INTS2: variants seen among roughly 807,000 people sequenced by gnomAD.
INTS2 encodes the protein KIAA1287.
Under a neutral mutation model 139.6 loss-of-function variants are expected in INTS2, and 57 were observed. The ratio of observed to expected loss-of-function variants is 0.41; its 90% CI spans 0.33 to 0.51. The LOEUF (loss-of-function observed/expected upper bound fraction) is 0.51, where lower values mean the gene tolerates loss of function less well. INTS2 is among the 20% of genes least tolerant of loss of function. INTS2 has a pLI of 0.28. For missense variants in INTS2, 1,196 were observed against 1,436.7 expected (o/e 0.83, Z 2.71); for synonymous variants, 473 against 493.4 (o/e 0.96, Z 0.55).
rs760291553 is a variant in INTS2 at position 61,921,812 on chromosome 17, C to T, written c.448G>A (p.Gly150Arg). 12 of 1,589,038 alleles carry T rather than the reference C, an allele frequency of 7.6e-6. No homozygotes were observed. The highest frequency in any genetic ancestry group is 2.2e-5 in the East Asian group (1 of 44,562). ...AIMNKVSESNGEFFFKSSELF... is the reference protein window; with the variant it reads ...AIMNKVSESNREFFFKSSELF... ...TCAGAAGACTTGAAAAAAAATTCTC[C>T]GTTGGACTCAGACACCTTAAAAAAG... The change falls in exon 4 of 25, where the codon GGA (glycine) becomes AGA (arginine). Residue 150 changes from glycine to arginine, a missense_variant. Physicochemically the swap from Gly to Arg is moderately radical, Grantham distance 125. This residue lies in a region of INTS2 where 1,129 missense variants were observed against 1,341.9 expected (regional missense o/e 0.84). Transcript: ENST00000251334.
rs1187583288 is a variant in INTS2, at chr17:61,920,486, CTT to C, written c.536-975_536-974del. Among the ~76,000 whole-genome samples, 473 of 106,470 alleles carry C rather than the reference CTT, an allele frequency of 4.4e-3. 5 individuals carry two copies. The highest frequency in any genetic ancestry group is 0.013 in the African/African-American group (419 of 31,354). 69.8% of individuals were successfully genotyped at this position (106,470 alleles called of 152,430 possible). ...CGTGAGCCACCGTGCCTGGCCTATA[CTT>C]TTTTTTTTTTTTTTTTTTTTTAAGA... On this transcript the variant is annotated intron_variant, in intron 4 of 24. Transcript: ENST00000251334.
intron 5 of INTS2, among the ~76,000 whole-genome samples, chr17:61,918,066 T>C (rs575708349): frequency 3.3e-5 from 5 of 152,332 alleles, no homozygotes; most frequent in African/African-American, 4.8e-5. Context: ...TCCACAATTA[T>C]GTCTGGAGAC....
chr17:61,921,702 C>T (rs780349595), intron 4 of INTS2, 23 bp downstream of exon 4: 9 of 1,166,930 alleles, frequency 7.7e-6, no homozygotes, highest in Middle Eastern at 2.0e-4. Flanking sequence ...ATATGAAATC[C>T]ATCTTAGCAC....
intron 8 of INTS2, among the ~76,000 whole-genome samples, chr17:61,905,799 G>GT (rs2079456842): frequency 2.0e-5 from 3 of 152,138 alleles, no homozygotes. Context: ...CTGGGTTCCA[G>GT]TGATTCTCCT....
intron 14 of INTS2, 50 bp downstream of exon 14, chr17:61,891,463 A>G (rs1010640640): frequency 2.9e-6 from 4 of 1,373,298 alleles, no homozygotes; most frequent in African/African-American, 1.5e-5. Flanking sequence ...TTAAGTAAGA[A>G]GAACTAAAAG....
In INTS2 at chr17:61,881,156, A is replaced by G. The variant is rs1191573822; in HGVS notation, c.2105T>C (p.Leu702Ser). The G allele has an allele frequency of 1.9e-6, 3 of 1,612,596 alleles. No individual in the cohort carries two copies. Among genetic ancestry groups the G allele is most frequent in the African/African-American group, 1.3e-5 (1 of 75,042 alleles). ...GTAGTTAGTAGCAAGGAGACGTAGT[A>G]AAGCTGAATGCAACCCTTGAAAATT... ...QQELGGLHSALLRLLATNYPH... is the reference protein window; with the variant it reads ...QQELGGLHSASLRLLATNYPH... Residue 702 changes from leucine (L) to serine (S), a missense_variant, in exon 17 of 25, where the codon TTA becomes TCA. Leu to Ser is a moderately radical substitution (Grantham distance 145). Coordinates refer to ENST00000251334, the MANE Select transcript of INTS2 (RefSeq NM_001351695.2).
At chr17:61,920,180 CTTTT>C (rs772038233) in intron 4 of INTS2, among the ~76,000 whole-genome samples, 8 of 119,150 alleles carry the variant, frequency 6.7e-5, no homozygotes, top group South Asian at 2.7e-4. Context: ...ATCTTATTTG[CTTTT>C]TTTTTTTTTT....
chr17:61,925,195 G>A, intron 2 of INTS2, 96 bp from the exon 3 acceptor site: 1 of 1,161,152 alleles, frequency 8.6e-7, no homozygotes, highest in South Asian at 1.4e-5. Context: ...ATAAAAGGAT[G>A]TATAAAGTGT....
chr17:61,884,988 G>A lies in INTS2; in HGVS notation c.2002C>T (p.Pro668Ser). 1.3e-6 allele frequency: 2 copies of A among 1,596,426 alleles called. No individual in the cohort carries two copies. Among genetic ancestry groups the A allele is most frequent in the Non-Finnish European group, 8.6e-7 (1 of 1,169,416 alleles). Reference protein sequence around the residue: ...TKTLAAMQRKPKSYSSSLMDQ... With the variant: ...TKTLAAMQRKSKSYSSSLMDQ... ...ATTAAAGAAGAAGAATATGATTTGG[G>A]CTTTCTTTGCATGGCAGCTATCAAA... Residue 668 changes from proline to serine, a missense_variant, in exon 16 of 25, where the codon CCC becomes TCC. Coordinates refer to ENST00000251334, the MANE Select transcript of INTS2 (RefSeq NM_001351695.2).
Position 61,914,471 on chromosome 17 carries a change from G to GGCA in INTS2, c.650-2402_650-2401insTGC, listed in dbSNP as rs1348345675. Among the ~76,000 whole-genome samples, 18 of 152,042 alleles carry GGCA rather than the reference G, an allele frequency of 1.2e-4. No homozygotes were observed. The East Asian group carries it at 2.5e-3, about 21-fold the overall frequency. Reference sequence around the variant, plus strand: ...TCCCAGCACTTTGGGAGGCCACAGAGGGCGCATCACGAGGTCAGGAGATCC... The same window carrying GGCA: ...TCCCAGCACTTTGGGAGGCCACAGAGGCAGGCGCATCACGAGGTCAGGAGATCC... On this transcript the variant is annotated intron_variant, in intron 5 of 24. Transcript: ENST00000251334.
At chr17:61,901,390 A>T (rs1389788325) in intron 9 of INTS2, among the ~76,000 whole-genome samples, 2 of 151,562 alleles carry the variant, frequency 1.3e-5, no homozygotes, top group African/African-American at 4.8e-5. Context: ...AGAGAAAAGA[A>T]GCAATACAAA....
intron 3 of INTS2, 120 bp downstream of exon 3, chr17:61,924,841 A>T: frequency 1.0e-6 from 1 of 981,260 alleles, no homozygotes; most frequent in Non-Finnish European, 1.5e-6. Context: ...AAAAAAAAAG[A>T]ACAAAATAAG....
chr17:61,918,116 CA>C (rs1384279278), intron 5 of INTS2, among the ~76,000 whole-genome samples: 1 of 152,098 alleles, frequency 6.6e-6, no homozygotes, highest in East Asian at 1.9e-4. Flanking sequence ...AACAAGTTGA[CA>C]AAAAATCGGC....
intron 18 of INTS2, among the ~76,000 whole-genome samples, chr17:61,877,236 A>G (rs1369859643): frequency 6.6e-6 from 1 of 152,208 alleles, no homozygotes; most frequent in Non-Finnish European, 1.5e-5. Context: ...CAGAATAAAA[A>G]GATAAAAGAG....
At chr17:61,906,872 G>A (rs1209612826) in intron 8 of INTS2, among the ~76,000 whole-genome samples, 2 of 141,064 alleles carry the variant, frequency 1.4e-5, no homozygotes, top group African/African-American at 2.7e-5. Context: ...GGTGAGGCAG[G>A]AGAATCGCTT....
At chr17:61,877,865 T>C (rs377162018) in intron 18 of INTS2, 22 bp downstream of exon 18, 1 of 1,561,032 alleles carries the variant, frequency 6.4e-7, no homozygotes, top group South Asian at 1.1e-5. Flanking sequence ...ATCTATTACA[T>C]GTAACAATAC....
intron 7 of INTS2, 86 bp from the exon 8 acceptor site, chr17:61,907,720 A>G (rs1402244942): frequency 9.8e-7 from 1 of 1,023,752 alleles, no homozygotes; most frequent in East Asian, 2.6e-5. Context: ...CCCCACTTAA[A>G]CACTTTCAAA....
chr17:61,877,987 T>G lies in INTS2; in HGVS notation c.2356A>C (p.Thr786Pro). ...TTCAATAGCTGGCTCATATTGGATG[T>G]TAACACTTCCGCATATGGTATAAGT... ...SELIPYAEVL[T>P]SNMSQLLNSG... Residue 786 changes from threonine (T) to proline (P), a missense_variant, in exon 18 of 25, where the codon ACA becomes CCA. By Grantham distance (38) the Thr-to-Pro change is conservative. Transcript: ENST00000251334. The G allele has an allele frequency of 6.2e-7, 1 of 1,613,052 alleles. No individual in the cohort carries two copies. The highest frequency in any genetic ancestry group is 8.5e-7 in the Non-Finnish European group (1 of 1,179,012).
intron 3 of INTS2, among the ~76,000 whole-genome samples, chr17:61,924,324 G>C (rs141074130): frequency 6.6e-6 from 1 of 152,132 alleles, no homozygotes; most frequent in Non-Finnish European, 1.5e-5. Flanking sequence ...TAATAAATTT[G>C]ATAATCTGTA....
Sources: allele counts gnomAD v4.1 joint callset (sites outside exome capture counted in the v4.1 genomes callset), GRCh38; gene constraint gnomAD v4.1.1; regional missense constraint gnomAD v4.1.1; transcripts MANE v1.5; gene names NCBI Gene and HGNC (gene_info 2026-07-23, HGNC 2026-07-21).